Variants in OOSP1 observed in about 807,000 individuals in gnomAD.
The protein encoded by OOSP1 is putative oocyte-secreted protein 1 homolog.
OOSP1 carries 11 observed loss-of-function variants against 5.7 expected under a neutral mutation model. The observed-to-expected ratio is 1.94, with a 90% confidence interval of 1.22 to 3.20. OOSP1 has a LOEUF of 3.20. Ranked by LOEUF, OOSP1 falls within the 30% of genes most tolerant of loss-of-function variation. The pLI is 0.00. For synonymous variants in OOSP1, 44 were observed against 20.0 expected, an observed-to-expected ratio of 2.20 and a Z score of -3.20; for missense variants, 83 against 54.1, an observed-to-expected ratio of 1.53 and a Z score of -1.67.
At chr11:59,946,175 A>G (rs1053453076) in intron 3 of OOSP1, among the ~76,000 whole-genome samples, 1 of 152,180 alleles carries the variant, frequency 6.6e-6, no homozygotes, top group Non-Finnish European at 1.5e-5. Flanking sequence ...TAGTAGTGGC[A>G]TTGGATTCTC....
chr11:59,952,867 T>C (rs139194110), intron 4 of OOSP1, among the ~76,000 whole-genome samples: 1 of 152,186 alleles, frequency 6.6e-6, no homozygotes, highest in Non-Finnish European at 1.5e-5. Context: ...ATTATTAATG[T>C]GGTGGCTGCA....
intron 4 of OOSP1, among the ~76,000 whole-genome samples, chr11:59,951,321 G>A (rs1227874704): frequency 6.6e-6 from 1 of 151,516 alleles, no homozygotes; most frequent in South Asian, 2.1e-4. Context: ...GAGACAGATC[G>A]CTGAGCACAG....
chr11:59,946,842 A>G (rs1042385540), intron 3 of OOSP1, among the ~76,000 whole-genome samples: 1 of 132,054 alleles, frequency 7.6e-6, no homozygotes, highest in South Asian at 2.4e-4. Flanking sequence ...TTTTTTTTTT[A>G]TTAATTGACA....
chr11:59,944,795 A>C (rs1853865140), intron 2 of OOSP1, among the ~76,000 whole-genome samples: 1 of 152,220 alleles, frequency 6.6e-6, no homozygotes, highest in Admixed American at 6.5e-5. Flanking sequence ...GAATAGAGGC[A>C]GCTCCAAGAT....
At chr11:59,943,098 T>C (rs1853847953) in intron 2 of OOSP1, 70 bp downstream of exon 2, 1 of 664,516 alleles carries the variant, frequency 1.5e-6, no homozygotes, top group Non-Finnish European at 2.7e-6. Flanking sequence ...TGTGTCCATG[T>C]GTTCTCATTG....
intron 3 of OOSP1, among the ~76,000 whole-genome samples, chr11:59,945,812 T>C (rs1468268678): frequency 6.7e-6 from 1 of 149,650 alleles, no homozygotes; most frequent in East Asian, 2.0e-4. Flanking sequence ...GAAAAGAAGT[T>C]TAATTGGCTC....
At chr11:59,939,829 CTTTT>C (rs899060481) in intron 1 of OOSP1, among the ~76,000 whole-genome samples, 1 of 144,170 alleles carries the variant, frequency 6.9e-6, no homozygotes, top group African/African-American at 2.6e-5. Context: ...CTTTCTCTTT[CTTTT>C]GTTTTCTTTC....
At chr11:59,953,894 A>G (rs1853964397) in intron 4 of OOSP1, among the ~76,000 whole-genome samples, 1 of 152,216 alleles carries the variant, frequency 6.6e-6, no homozygotes, top group Non-Finnish European at 1.5e-5. Context: ...TCTCCATAAT[A>G]TAGTCATGAG....
chr11:59,953,816 T>A (rs1161757439), intron 4 of OOSP1, among the ~76,000 whole-genome samples: 2 of 152,206 alleles, frequency 1.3e-5, no homozygotes, highest in Non-Finnish European at 2.9e-5. Context: ...TGCCTGTCAG[T>A]CAATGAATTA....
chr11:59,951,304 T>C (rs1853937169), intron 4 of OOSP1, among the ~76,000 whole-genome samples: 1 of 151,916 alleles, frequency 6.6e-6, no homozygotes, highest in African/African-American at 2.4e-5. Flanking sequence ...ACCATAGACC[T>C]GAAAAAGAGA....
intron 4 of OOSP1, among the ~76,000 whole-genome samples, chr11:59,949,305 G>A (rs952270230): frequency 5.3e-5 from 8 of 151,986 alleles, no homozygotes; most frequent in East Asian, 1.9e-4. Context: ...ATGCACCTTA[G>A]GGAACAGAGG....
chr11:59,945,359 C>A, intron 3 of OOSP1, 93 bp downstream of exon 3: 1 of 700,468 alleles, frequency 1.4e-6, no homozygotes, highest in South Asian at 1.5e-5. Flanking sequence ...ATGGTACAAC[C>A]AGTGATGGGA....
At chr11:59,944,754 T>C (rs1017338511) in intron 2 of OOSP1, among the ~76,000 whole-genome samples, 1 of 152,186 alleles carries the variant, frequency 6.6e-6, no homozygotes, top group Admixed American at 6.5e-5. Flanking sequence ...CAGACTTAAT[T>C]GTTTAAACAC....
chr11:59,941,507 G>C (rs1330209657), intron 1 of OOSP1, among the ~76,000 whole-genome samples: 1 of 151,918 alleles, frequency 6.6e-6, no homozygotes, highest in Admixed American at 6.6e-5. Context: ...AGCCTCCTGA[G>C]TAGCTGGGAT....
intron 4 of OOSP1, among the ~76,000 whole-genome samples, chr11:59,955,022 A>G (rs1853980697): frequency 6.6e-6 from 1 of 152,050 alleles, no homozygotes; most frequent in African/African-American, 2.4e-5. Flanking sequence ...CTAAGCCTGT[A>G]TCTAGTAGTG....
intron 1 of OOSP1, among the ~76,000 whole-genome samples, chr11:59,939,413 A>G (rs1283335673): frequency 1.3e-5 from 2 of 151,872 alleles, no homozygotes; most frequent in Non-Finnish European, 2.9e-5. Context: ...CACCACATCC[A>G]GCTAATTTTT....
intron 4 of OOSP1, among the ~76,000 whole-genome samples, chr11:59,956,696 C>T (rs2134577746): frequency 6.6e-6 from 1 of 152,186 alleles, no homozygotes; most frequent in South Asian, 2.1e-4. Context: ...AGTCTTTTAT[C>T]CCTTGCCCCT....
At chr11:59,950,825 G>A (rs1853932840) in intron 4 of OOSP1, among the ~76,000 whole-genome samples, 2 of 151,916 alleles carry the variant, frequency 1.3e-5, no homozygotes, top group African/African-American at 4.8e-5. Context: ...ATAGAAATGG[G>A]GTCATTGTAG....
chr11:59,941,001 A>G (rs1352581944), intron 1 of OOSP1, among the ~76,000 whole-genome samples: 1 of 152,236 alleles, frequency 6.6e-6, no homozygotes, highest in African/African-American at 2.4e-5. Flanking sequence ...AGACATTTCT[A>G]TTGTAATCAG....
Sources: gnomAD v4.1 joint callset for allele counts (sites outside exome capture counted in the v4.1 genomes callset) on GRCh38, gnomAD v4.1.1 for gene constraint, MANE v1.5 for transcripts, NCBI Gene and HGNC (gene_info 2026-07-23, HGNC 2026-07-21) for gene names.